KIAA1549L: variants seen among roughly 807,000 people sequenced by gnomAD.
KIAA1549L encodes UPF0606 protein KIAA1549L.
Under a neutral mutation model 160.7 loss-of-function variants are expected in KIAA1549L, and 88 were observed. The ratio of observed to expected loss-of-function variants is 0.55; its 90% CI spans 0.46 to 0.65. The LOEUF (loss-of-function observed/expected upper bound fraction) is 0.65, where lower values mean the gene tolerates loss of function less well. Among genes scored for constraint, KIAA1549L ranks in the 30% least tolerant of loss-of-function variants. The pLI, the probability that KIAA1549L is intolerant of heterozygous loss-of-function variation, is 0.00. For missense variants in KIAA1549L, 2,258 were observed against 2,437.5 expected (o/e 0.93, Z 1.55); for synonymous variants, 950 against 976.7 (o/e 0.97, Z 0.51).
In KIAA1549L at chr11:33,524,511, G is replaced by A. The variant is rs980755238; in HGVS notation, c.239-17291G>A. ...ATTAGTTCATTTTTTGAGGCGAGAG[G>A]AATTTACTATTTCTAATTTTTATAT... On this transcript the variant is annotated intron_variant, in intron 1 of 20. Coordinates refer to ENST00000658780, the MANE Select transcript of KIAA1549L (RefSeq NM_012194.3). Among the ~76,000 whole-genome samples the A allele has an allele frequency of 8.7e-5, 6 of 68,734 alleles. No individual in the cohort carries two copies. In the African/African-American group the frequency reaches 9.2e-4, roughly 11 times the overall value. The allele number at this position is 68,734 out of a possible 152,430, so 45.1% of individuals were successfully genotyped here. A position where few individuals can be genotyped will look rare whatever the true frequency, so the allele number is the denominator to read the frequency against.
chr11:33,391,505 A>G (rs1247429012), intron 1 of KIAA1549L, among the ~76,000 whole-genome samples: 80 of 152,368 alleles, frequency 5.3e-4, no homozygotes, highest in Non-Finnish European at 4.4e-5. Context: ...AAGCCAAGAC[A>G]GTCATGTGAC....
chr11:33,620,140 G>A (rs1850919503), intron 16 of KIAA1549L, among the ~76,000 whole-genome samples: 2 of 152,198 alleles, frequency 1.3e-5, no homozygotes, highest in Non-Finnish European at 2.9e-5. Context: ...TTTAACCACA[G>A]TGACATGACT....
At chr11:33,635,326 T>A (rs895249441) in intron 16 of KIAA1549L, among the ~76,000 whole-genome samples, 3 of 152,234 alleles carry the variant, frequency 2.0e-5, no homozygotes, top group African/African-American at 7.2e-5. Flanking sequence ...ATAAATTTCA[T>A]CATGGCCAGA....
chr11:33,445,538 G>A (rs1314257089), intron 1 of KIAA1549L, among the ~76,000 whole-genome samples: 1 of 152,210 alleles, frequency 6.6e-6, no homozygotes, highest in Non-Finnish European at 1.5e-5. Flanking sequence ...TGTGTCCCAC[G>A]AGGTGTATAG....
At chr11:33,528,156 C>T (rs1013838423) in intron 1 of KIAA1549L, among the ~76,000 whole-genome samples, 3 of 152,134 alleles carry the variant, frequency 2.0e-5, no homozygotes, top group African/African-American at 4.8e-5. Context: ...ATAAATTACC[C>T]ACTCTCAGGT....
intron 1 of KIAA1549L, among the ~76,000 whole-genome samples, chr11:33,410,851 T>C (rs1406558760): frequency 6.6e-6 from 1 of 152,126 alleles, no homozygotes; most frequent in East Asian, 1.9e-4. Flanking sequence ...CGGTGAATTG[T>C]TTGGAGAGAG....
chr11:33,634,558 C>A (rs1279881159), intron 16 of KIAA1549L, among the ~76,000 whole-genome samples: 2 of 152,186 alleles, frequency 1.3e-5, no homozygotes, highest in African/African-American at 2.4e-5. Flanking sequence ...AATTGAATTT[C>A]CCCTGCTCCT....
At chr11:33,625,381 T>C (rs1256950592) in intron 16 of KIAA1549L, among the ~76,000 whole-genome samples, 1 of 152,228 alleles carries the variant, frequency 6.6e-6, no homozygotes, top group African/African-American at 2.4e-5. Context: ...ACCAACAGTC[T>C]AAAAGTGTTC....
At chr11:33,655,221 A>G (rs2133430152) in intron 17 of KIAA1549L, among the ~76,000 whole-genome samples, 1 of 152,162 alleles carries the variant, frequency 6.6e-6, no homozygotes, top group South Asian at 2.1e-4. Context: ...CTAGTCTTTT[A>G]TCTTTGAATA....
At chr11:33,651,753 G>C (rs1276469099) in intron 17 of KIAA1549L, among the ~76,000 whole-genome samples, 1 of 152,036 alleles carries the variant, frequency 6.6e-6, no homozygotes, top group African/African-American at 2.4e-5. Context: ...CTCTCCACTG[G>C]GAATGCTAGA....
At chr11:33,589,445 A>G (rs1227713955) in intron 11 of KIAA1549L, among the ~76,000 whole-genome samples, 1 of 152,266 alleles carries the variant, frequency 6.6e-6, no homozygotes, top group Non-Finnish European at 1.5e-5. Flanking sequence ...TGATGCTGCT[A>G]TAAAGACACA....
chr11:33,431,807 C>A (rs1282037981), intron 1 of KIAA1549L, among the ~76,000 whole-genome samples: 1 of 152,300 alleles, frequency 6.6e-6, no homozygotes, highest in Non-Finnish European at 1.5e-5. Flanking sequence ...CGGTGCTCAT[C>A]GGGGAGGCTC....
chr11:33,598,459 C>T (rs1850265674), intron 12 of KIAA1549L, among the ~76,000 whole-genome samples: 1 of 152,168 alleles, frequency 6.6e-6, no homozygotes, highest in Admixed American at 6.5e-5. Context: ...TTTAAACACT[C>T]TGCAACACTA....
At chr11:33,617,817 ATGGATGGATGGATAGGTAGGTGGG>A (rs1850855026) in intron 15 of KIAA1549L, among the ~76,000 whole-genome samples, 1 of 151,698 alleles carries the variant, frequency 6.6e-6, no homozygotes, top group Non-Finnish European at 1.5e-5. Flanking sequence ...GGATGGATGG[ATGGATGGATGGATAGGTAGGTGGG>A]TGGATGGATG....
intron 8 of KIAA1549L, among the ~76,000 whole-genome samples, chr11:33,563,627 G>A (rs1854950013): frequency 6.6e-6 from 1 of 152,164 alleles, no homozygotes; most frequent in Non-Finnish European, 1.5e-5. Flanking sequence ...TCCCTCTGCT[G>A]CAGAGCCATC....
At chr11:33,437,678 G>A (rs778908521) in intron 1 of KIAA1549L, among the ~76,000 whole-genome samples, 1 of 152,154 alleles carries the variant, frequency 6.6e-6, no homozygotes, top group African/African-American at 2.4e-5. Context: ...ACCTCCTATT[G>A]GTGGGGCCTC....
intron 12 of KIAA1549L, among the ~76,000 whole-genome samples, chr11:33,595,047 T>G (rs1351382849): frequency 6.6e-6 from 1 of 152,238 alleles, no homozygotes; most frequent in Non-Finnish European, 1.5e-5. Context: ...GTTGAATAAT[T>G]TAAATTGTGT....
At chr11:33,397,917 CTT>C (rs67993981) in intron 1 of KIAA1549L, among the ~76,000 whole-genome samples, 8 of 115,450 alleles carry the variant, frequency 6.9e-5, no homozygotes, top group South Asian at 2.8e-4. Context: ...GGTGGTTGGC[CTT>C]TTTTTTTTTT....
rs1256222828 is a variant in KIAA1549L, at chr11:33,591,335, G to A, written c.4665G>A (p.Leu1555=). ...CTCAGGAGACAGTGGTTCTCCCACT[G>A]CCCATTAGAGATGCTCCTCAGGAAA... The part of the protein sequence containing the change: ...PVTQETVVLP[L]PIRDAPQERD... The change falls in exon 12 of 21, where the codon CTG becomes CTA. Residue 1555 remains leucine (L), a synonymous_variant. Coordinates refer to ENST00000658780, the MANE Select transcript of KIAA1549L (RefSeq NM_012194.3). The A allele has an allele frequency of 6.2e-7, 1 of 1,613,664 alleles. No individual in the cohort carries two copies. Among genetic ancestry groups the A allele is most frequent in the South Asian group, 1.1e-5 (1 of 91,066 alleles).
Sources: gnomAD v4.1 joint callset for allele counts (sites outside exome capture counted in the v4.1 genomes callset) on GRCh38, gnomAD v4.1.1 for gene constraint, MANE v1.5 for transcripts, NCBI Gene and HGNC (gene_info 2026-07-23, HGNC 2026-07-21) for gene names.